The following PPARGC1A variants were observed in gnomAD, a reference collection of about 807,000 sequenced individuals.
PPARGC1A encodes the protein peroxisome proliferator-activated receptor gamma coactivator 1-alpha.
In PPARGC1A, 25 loss-of-function variants were observed where a neutral mutation model predicts 88.7. The observed-to-expected ratio is 0.28, with a 90% CI of 0.21 to 0.39. PPARGC1A has a LOEUF of 0.39. Ranked by LOEUF, PPARGC1A falls within the 10% of genes least tolerant of loss-of-function variation. The probability of loss-of-function intolerance (pLI) is 1.00; values close to 1 mark genes in which losing one functional copy is unlikely to be tolerated. For missense variants in PPARGC1A, 880 were observed against 968.7 expected (o/e 0.91, Z 1.22); for synonymous variants, 363 against 355.6 (o/e 1.02, Z -0.24).
chr4:23,847,515 C>CTAA (rs1297442282), intron 2 of PPARGC1A, among the ~76,000 whole-genome samples: 2 of 152,170 alleles, frequency 1.3e-5, no homozygotes, highest in African/African-American at 4.8e-5. Context: ...TGACTACTGC[C>CTAA]ATCAGATTGA....
the PPARGC1A span, among the ~76,000 whole-genome samples, chr4:24,037,094 T>C: frequency 3.3e-5 from 5 of 152,210 alleles, no homozygotes; most frequent in African/African-American, 9.7e-5. Flanking sequence ...GCTAAGCAGT[T>C]CCAGCCACCT....
At chr4:24,168,156 A>G in the PPARGC1A span, among the ~76,000 whole-genome samples, 1 of 152,248 alleles carries the variant, frequency 6.6e-6, no homozygotes, top group African/African-American at 2.4e-5. Context: ...TATATGCACT[A>G]AAAAATCAAA....
chr4:24,336,882 G>A, the PPARGC1A span, among the ~76,000 whole-genome samples: 1 of 152,064 alleles, frequency 6.6e-6, no homozygotes, highest in East Asian at 1.9e-4. Context: ...GGGCAACATA[G>A]CAAGATCCAC....
the PPARGC1A span, among the ~76,000 whole-genome samples, chr4:24,143,697 C>T: frequency 6.6e-6 from 1 of 152,168 alleles, no homozygotes. Flanking sequence ...CTATTTTGAT[C>T]ACTTTTTTAT....
the PPARGC1A span, among the ~76,000 whole-genome samples, chr4:24,175,666 G>A: frequency 6.6e-6 from 1 of 151,414 alleles, no homozygotes; most frequent in African/African-American, 2.4e-5. Context: ...GGGATTACAG[G>A]CGTGAGCCAC....
chr4:23,982,928 T>G, the PPARGC1A span, among the ~76,000 whole-genome samples: 1 of 152,184 alleles, frequency 6.6e-6, no homozygotes. Flanking sequence ...GCTCACCACC[T>G]GGTTTTATAA....
chr4:24,006,967 T>C, the PPARGC1A span, among the ~76,000 whole-genome samples: 1 of 152,206 alleles, frequency 6.6e-6, no homozygotes, highest in Admixed American at 6.5e-5. Context: ...TGTGTATCAA[T>C]TGTAAAATGG....
At chr4:24,291,152 G>GTC in the PPARGC1A span, among the ~76,000 whole-genome samples, 1 of 152,118 alleles carries the variant, frequency 6.6e-6, no homozygotes, top group African/African-American at 2.4e-5. Context: ...TGCCAAATAA[G>GTC]TCTCCAGGAA....
the PPARGC1A span, among the ~76,000 whole-genome samples, chr4:24,009,889 C>T: frequency 6.6e-6 from 1 of 152,186 alleles, no homozygotes; most frequent in Non-Finnish European, 1.5e-5. Context: ...CCACCCACAC[C>T]TCCTCTTCTA....
chr4:24,081,780 C>T, the PPARGC1A span, among the ~76,000 whole-genome samples: 1 of 151,236 alleles, frequency 6.6e-6, no homozygotes, highest in African/African-American at 2.4e-5. Flanking sequence ...AATACTTATC[C>T]TTGACCAGTG....
the PPARGC1A span, among the ~76,000 whole-genome samples, chr4:24,290,560 G>A: frequency 2.0e-5 from 3 of 152,018 alleles, no homozygotes; most frequent in Non-Finnish European, 4.4e-5. Flanking sequence ...TGCTGAACAC[G>A]GTGCCATCCC....
chr4:24,150,380 G>A, the PPARGC1A span, among the ~76,000 whole-genome samples: 1 of 152,226 alleles, frequency 6.6e-6, no homozygotes, highest in South Asian at 2.1e-4. Flanking sequence ...TATTTTGGTG[G>A]CTTTGAAGCC....
At chr4:23,810,160 C>T (rs180852313) in intron 10 of PPARGC1A, among the ~76,000 whole-genome samples, 1 of 152,272 alleles carries the variant, frequency 6.6e-6, no homozygotes, top group Admixed American at 6.5e-5. Context: ...CAGTAAGTCC[C>T]AAATCTTTAT....
At chr4:24,011,060 C>A in the PPARGC1A span, among the ~76,000 whole-genome samples, 1 of 152,146 alleles carries the variant, frequency 6.6e-6, no homozygotes, top group Admixed American at 6.6e-5. Flanking sequence ...GAAATAGGAC[C>A]TTTGCAGATT....
At chr4:24,169,637 AGGTG>A in the PPARGC1A span, among the ~76,000 whole-genome samples, 3 of 152,150 alleles carry the variant, frequency 2.0e-5, no homozygotes, top group African/African-American at 4.8e-5. Flanking sequence ...TGGGATGCCG[AGGTG>A]GGTGGATCAC....
chr4:24,311,992 T>TC, the PPARGC1A span, among the ~76,000 whole-genome samples: 1 of 151,990 alleles, frequency 6.6e-6, no homozygotes. Flanking sequence ...CCTTCCACAA[T>TC]CCCCCACGGG....
At chr4:24,184,291 T>C in the PPARGC1A span, among the ~76,000 whole-genome samples, 1 of 152,188 alleles carries the variant, frequency 6.6e-6, no homozygotes, top group Admixed American at 6.5e-5. Flanking sequence ...GTAAATTTAC[T>C]GGGAAAAAAT....
intron 2 of PPARGC1A, among the ~76,000 whole-genome samples, chr4:23,835,832 T>A (rs953539213): frequency 6.6e-6 from 1 of 152,122 alleles, no homozygotes; most frequent in Non-Finnish European, 1.5e-5. Context: ...TTCAATTAGT[T>A]TAGCATGAGT....
At chr4:24,395,538 T>C in the PPARGC1A span, among the ~76,000 whole-genome samples, 444 of 152,342 alleles carry the variant, frequency 2.9e-3, 2 homozygotes, top group African/African-American at 0.01. Flanking sequence ...CTCCTGGACA[T>C]TAATAAGTCT....
Sources: allele counts gnomAD v4.1 joint callset (sites outside exome capture counted in the v4.1 genomes callset), GRCh38; gene constraint gnomAD v4.1.1; transcripts MANE v1.5; gene names NCBI Gene and HGNC (gene_info 2026-07-23, HGNC 2026-07-21).